UBAP2: variants seen among roughly 807,000 people sequenced by gnomAD.
UBAP2 encodes ubiquitin-associated protein 2.
In UBAP2, 75 loss-of-function variants were observed where a neutral mutation model predicts 139.6. The observed-to-expected ratio is 0.54, with a 90% CI of 0.45 to 0.65. The LOEUF is 0.65. Among genes scored for constraint, UBAP2 ranks in the 30% least tolerant of loss-of-function variants. UBAP2 has a pLI of 0.00. For synonymous variants in UBAP2, 526 were observed against 526.2 expected (o/e 1.00, Z 0.01); for missense variants, 1,368 against 1,369.6 (o/e 1.00, Z 0.02).
chr9:33,981,066 T>C (rs1231144204), intron 6 of UBAP2, among the ~76,000 whole-genome samples: 1 of 15,606 alleles, frequency 6.4e-5, no homozygotes, highest in South Asian at 4.0e-3. Context: ...ATTTACTTCA[T>C]ATATATATAT....
At chr9:33,984,309 T>A (rs911632177) in intron 6 of UBAP2, among the ~76,000 whole-genome samples, 3 of 152,096 alleles carry the variant, frequency 2.0e-5, no homozygotes, top group Admixed American at 1.3e-4. Flanking sequence ...GGGACTAATA[T>A]TCAGACAATA....
At position 33,923,808 on chromosome 9, in the gene UBAP2, C is replaced by A; in HGVS notation, c.2783G>T (p.Gly928Val). ...TGAAATACTCACAAACATGGTGGGG[C>A]CATACTGGAAGGCACTGGGCATGCC... ...YTGMPSAFQY[G>V]PTMFVPPASA... Residue 928 changes from glycine (G) to valine (V), a missense_variant, in exon 24 of 29, where the codon GGC becomes GTC. Coordinates refer to ENST00000379238, the MANE Select transcript of UBAP2 (RefSeq NM_001370062.2). The A allele has an allele frequency of 6.2e-7, 1 of 1,614,158 alleles. No homozygotes were observed. The highest frequency in any genetic ancestry group is 1.1e-5 in the South Asian group (1 of 91,076).
At chr9:33,954,641 T>C (rs1353373359) in intron 11 of UBAP2, among the ~76,000 whole-genome samples, 1 of 152,202 alleles carries the variant, frequency 6.6e-6, no homozygotes, top group Non-Finnish European at 1.5e-5. Flanking sequence ...CATGGCAAAG[T>C]TCCTAGCCTG....
In UBAP2 at chr9:34,021,813, T is replaced by C. The variant is rs1280005231; in HGVS notation, c.-41-4624A>G. On this transcript the variant is annotated intron_variant, in intron 1 of 28. Coordinates refer to ENST00000379238, the MANE Select transcript of UBAP2 (RefSeq NM_001370062.2). ...CACGCCCGACTAATTTTTGTATTTT[T>C]AGTAGAGATGGGGTCTCAACTTGTT... 2.6e-5 allele frequency among the ~76,000 whole-genome samples: 4 copies of C among 152,236 alleles called. No individual in the cohort carries two copies. The South Asian group carries it at 6.2e-4, about 24-fold the overall frequency.
chr9:33,940,026 GGAGGGAGAGGGAAGA>G (rs769478393), intron 16 of UBAP2, among the ~76,000 whole-genome samples: 12 of 145,796 alleles, frequency 8.2e-5, no homozygotes, highest in Admixed American at 2.7e-4. Flanking sequence ...GGGAGGGAGA[GGAGGGAGAGGGAAGA>G]GAGGGAGAGG....
At chr9:34,014,395 C>CT (rs1564063095) in intron 2 of UBAP2, among the ~76,000 whole-genome samples, 1 of 144,192 alleles carries the variant, frequency 6.9e-6, no homozygotes, top group Non-Finnish European at 1.5e-5. Context: ...CCTTTGAAGG[C>CT]TAAGGGGGCA....
chr9:33,922,346 T>C lies in UBAP2; in HGVS notation c.*158A>G. On this transcript the variant is annotated 3_prime_UTR_variant, in exon 29 of 29. Transcript: ENST00000379238. ...TTTACAAATACATACATAAATACAT[T>C]ACATACAGTAGCCAGTCTGGGAGGC... 1.4e-6 allele frequency: 1 copy of C among 709,876 alleles called. No homozygotes were observed. Among genetic ancestry groups the C allele is most frequent in the Non-Finnish European group, 2.4e-6 (1 of 408,882 alleles). 44.0% of individuals were successfully genotyped at this position (709,876 alleles called of 1,614,324 possible). A position where few individuals can be genotyped will look rare whatever the true frequency, so the allele number is the denominator to read the frequency against.
chr9:33,944,023 A>C (rs1825453807), intron 14 of UBAP2, among the ~76,000 whole-genome samples: 2 of 152,140 alleles, frequency 1.3e-5, no homozygotes, highest in Admixed American at 1.3e-4. Context: ...CACTGAGCTG[A>C]CTACTCTATT....
intron 2 of UBAP2, among the ~76,000 whole-genome samples, chr9:34,013,926 C>T (rs1372640614): frequency 6.6e-6 from 1 of 150,994 alleles, no homozygotes; most frequent in Admixed American, 6.6e-5. Flanking sequence ...CTTTTTATGA[C>T]ACCAATTTAA....
chr9:34,044,435 C>G (rs971106498), intron 1 of UBAP2, among the ~76,000 whole-genome samples: 5 of 151,408 alleles, frequency 3.3e-5, no homozygotes, highest in Non-Finnish European at 7.4e-5. Flanking sequence ...CGTGGTGATG[C>G]ATGCCTGTAG....
chr9:33,983,380 GC>G (rs1346014694), intron 6 of UBAP2, among the ~76,000 whole-genome samples: 1 of 152,080 alleles, frequency 6.6e-6, no homozygotes, highest in East Asian at 1.9e-4. Context: ...TCTCTAAGAC[GC>G]CCACTAATGC....
In UBAP2 at chr9:33,925,342, G is replaced by C. The variant is rs574646523; in HGVS notation, c.2512-1058C>G. On this transcript the variant is annotated intron_variant, in intron 22 of 28. Coordinates refer to ENST00000379238, the MANE Select transcript of UBAP2 (RefSeq NM_001370062.2). The stretch of plus-strand genomic sequence containing the variant: ...GGACGGGAGCAGAGAAAGCCCAGAA[G>C]GGGGAGCACTTTCACAGAACACGAG... 2.6e-5 allele frequency among the ~76,000 whole-genome samples: 4 copies of C among 152,298 alleles called. 1 individual carries two copies. The highest frequency in any genetic ancestry group is 4.1e-4 in the South Asian group (2 of 4,828).
At chr9:33,978,877 C>A (rs1246754520) in intron 6 of UBAP2, among the ~76,000 whole-genome samples, 1 of 152,130 alleles carries the variant, frequency 6.6e-6, no homozygotes, top group East Asian at 1.9e-4. Context: ...AGGGAGTAAA[C>A]TATTGTTGCC....
At chr9:33,975,158 G>A (rs1434541224) in intron 6 of UBAP2, among the ~76,000 whole-genome samples, 2 of 152,128 alleles carry the variant, frequency 1.3e-5, no homozygotes, top group African/African-American at 4.8e-5. Flanking sequence ...GCGGCCGGGC[G>A]TGGTGGCTCA....
intron 2 of UBAP2, among the ~76,000 whole-genome samples, chr9:34,000,007 G>A (rs1035403376): frequency 2.6e-5 from 4 of 151,778 alleles, no homozygotes; most frequent in African/African-American, 9.7e-5. Context: ...GAGTGCACTG[G>A]CACGATCTTG....
At position 33,962,680 on chromosome 9, in the gene UBAP2, A is replaced by ATAAATAATTAATTAAT. The variant is rs368021223; in HGVS notation, c.745+1045_745+1046insATTAATTAATTATTTA. ...AATAAATAAATAAATAAATAAATAA[A>ATAAATAATTAATTAAT]TAATTAAAAAATAGGGCCTGGAGCA... On this transcript the variant is annotated intron_variant, in intron 9 of 28. Transcript: ENST00000379238. Among the ~76,000 whole-genome samples the ATAAATAATTAATTAAT allele has an allele frequency of 4.1e-3, 598 of 145,620 alleles. 5 individuals carry two copies. The highest frequency in any genetic ancestry group is 0.013 in the African/African-American group (500 of 39,290).
At chr9:34,041,123 A>G (rs1564077248) in intron 1 of UBAP2, among the ~76,000 whole-genome samples, 1 of 152,060 alleles carries the variant, frequency 6.6e-6, no homozygotes, top group Non-Finnish European at 1.5e-5. Context: ...TAGACAACAT[A>G]TGGCACATCC....
chr9:34,003,170 G>A (rs1442120367), intron 2 of UBAP2, among the ~76,000 whole-genome samples: 2 of 150,540 alleles, frequency 1.3e-5, no homozygotes, highest in Non-Finnish European at 1.5e-5. Flanking sequence ...TCATGCTTGG[G>A]ACTACAGGCA....
intron 1 of UBAP2, among the ~76,000 whole-genome samples, chr9:34,026,240 G>A (rs567058554): frequency 2.0e-5 from 3 of 152,270 alleles, no homozygotes; most frequent in African/African-American, 7.2e-5. Flanking sequence ...TACTTACACT[G>A]CATGTATTTA....
Sources: allele counts gnomAD v4.1 joint callset (sites outside exome capture counted in the v4.1 genomes callset), GRCh38; gene constraint gnomAD v4.1.1; transcripts MANE v1.5; gene names NCBI Gene and HGNC (gene_info 2026-07-23, HGNC 2026-07-21).